SYCP2: variants seen among roughly 807,000 people sequenced by gnomAD.
SYCP2 encodes the protein synaptonemal complex protein 2.
SYCP2 carries 55 observed loss-of-function variants against 211.3 expected under a neutral mutation model. That is an observed-to-expected ratio of 0.26 (90% CI 0.21 to 0.33). SYCP2 has a LOEUF of 0.33. Ranked by LOEUF, SYCP2 falls within the 10% of genes least tolerant of loss-of-function variation. The pLI is 1.00. For missense variants in SYCP2, 1,731 were observed against 1,752.0 expected (o/e 0.99, Z 0.21); for synonymous variants, 570 against 555.2 (o/e 1.03, Z -0.37).
chr20:59,894,568 T>A (rs1264378432), intron 20 of SYCP2, among the ~76,000 whole-genome samples: 1 of 152,038 alleles, frequency 6.6e-6, no homozygotes, highest in African/African-American at 2.4e-5. Flanking sequence ...TTGAGAAAAT[T>A]GTACATATTT....
intron 19 of SYCP2, 32 bp from the exon 20 acceptor site, chr20:59,895,629 CTTTT>C: frequency 6.2e-7 from 1 of 1,604,632 alleles, no homozygotes; most frequent in East Asian, 2.2e-5. Context: ...GCAGATTTTT[CTTTT>C]TTTACCTATT....
chr20:59,872,780 T>A (rs555475920), intron 35 of SYCP2, among the ~76,000 whole-genome samples: 103 of 152,212 alleles, frequency 6.8e-4, no homozygotes, highest in African/African-American at 2.4e-3. Context: ...TAGATCTGAA[T>A]AGGCTTATTC....
intron 20 of SYCP2, among the ~76,000 whole-genome samples, chr20:59,894,815 A>C (rs916159023): frequency 6.6e-6 from 1 of 152,078 alleles, no homozygotes. Flanking sequence ...CTGTTTCTCC[A>C]AGAAACTATT....
intron 16 of SYCP2, among the ~76,000 whole-genome samples, chr20:59,901,343 GATGTATC>G (rs2060112128): frequency 6.6e-6 from 1 of 151,982 alleles, no homozygotes; most frequent in East Asian, 1.9e-4. Flanking sequence ...TACTTCTTCT[GATGTATC>G]ATGTGTGTAA....
intron 3 of SYCP2, 173 bp from the exon 4 acceptor site, chr20:59,921,626 T>C: frequency 5.2e-6 from 2 of 387,682 alleles, no homozygotes; most frequent in Non-Finnish European, 9.1e-6. Context: ...ACAACTGAAT[T>C]AGAAATTACA....
intron 35 of SYCP2, among the ~76,000 whole-genome samples, chr20:59,873,133 G>A (rs1308876488): frequency 2.0e-5 from 3 of 151,972 alleles, no homozygotes; most frequent in African/African-American, 7.2e-5. Flanking sequence ...TAATTTCATG[G>A]AAAGATGATT....
At position 59,869,936 on chromosome 20, in the gene SYCP2, T is replaced by A. The variant is rs373240816; in HGVS notation, c.3603A>T (p.Lys1201Asn). 5 of 1,604,916 alleles carry A rather than the reference T, an allele frequency of 3.1e-6. No homozygotes were observed. The highest frequency in any genetic ancestry group is 4.3e-6 in the Non-Finnish European group (5 of 1,174,396). The change falls in exon 36 of 45, where the codon AAA becomes AAT. Residue 1201 changes from lysine to asparagine, a missense_variant. By Grantham distance (94) the Lys-to-Asn change is moderately conservative. Around this residue, in one of 3 missense-constraint regions of SYCP2, gnomAD observed 1,387 missense variants for 1,351.3 expected, o/e 1.03. Coordinates refer to ENST00000357552, the MANE Select transcript of SYCP2 (RefSeq NM_014258.4). Reference protein sequence around the residue: ...TKSNTIVNRKKISSLVLTQET... With the variant: ...TKSNTIVNRKNISSLVLTQET... Reference sequence around the variant, plus strand: ...CTTGTGTAAGTACCAGAGAACTTATTTTTTTTCTATTTACAATAGTATTAC... The same window carrying A: ...CTTGTGTAAGTACCAGAGAACTTATATTTTTTCTATTTACAATAGTATTAC...
At position 59,893,572 on chromosome 20, in the gene SYCP2, C is replaced by T. The variant is rs768769047; in HGVS notation, c.1687G>A (p.Val563Ile). Residue 563 changes from valine (V) to isoleucine (I), a missense_variant, in exon 21 of 45, where the codon GTA becomes ATA. Physicochemically the swap from Val to Ile is conservative, Grantham distance 29 (BLOSUM62 3). This residue lies in a region of SYCP2 where 1,387 missense variants were observed against 1,351.3 expected (regional missense o/e 1.03). Coordinates refer to ENST00000357552, the MANE Select transcript of SYCP2 (RefSeq NM_014258.4). ...ACATTCTTATTTTCTGTGTTTTCTA[C>T]ACACTTAGCAGTTTTGATATGCTGT... is the stretch of plus-strand genomic sequence containing the variant. Reference protein sequence around the residue: ...IDKHIKTAKCVENTENKNVEF... With the variant: ...IDKHIKTAKCIENTENKNVEF... 2 of 1,608,932 alleles carry T rather than the reference C, an allele frequency of 1.2e-6. No homozygotes were observed. The highest frequency in any genetic ancestry group is 1.7e-6 in the Non-Finnish European group (2 of 1,176,922).
At chr20:59,900,305 A>G (rs1251994980) in intron 17 of SYCP2, 21 bp from the exon 18 acceptor site, 3 of 1,557,596 alleles carry the variant, frequency 1.9e-6, no homozygotes, top group Admixed American at 3.9e-5. Context: ...ATATGAAAAA[A>G]AAAGTATTTA....
Position 59,868,911 on chromosome 20 carries a change from T to C in SYCP2, c.3756A>G (p.Ala1252=), listed in dbSNP as rs1322539532. The change falls in exon 37 of 45, where the codon GCA becomes GCG. Residue 1252 remains alanine, a synonymous_variant. Transcript: ENST00000357552. ...IQSKREESHL[A]SSLSKSSEGR... The stretch of plus-strand genomic sequence containing the variant: ...CTTCACTAGACTTGGATAATGAAGA[T>C]GCTAAATGACTTTCCTAAAATACGT... 6.2e-7 allele frequency: 1 copy of C among 1,606,686 alleles called. No homozygotes were observed. Among genetic ancestry groups the C allele is most frequent in the Non-Finnish European group, 8.5e-7 (1 of 1,176,336 alleles).
At chr20:59,903,044 AT>A (rs1255840267) in intron 15 of SYCP2, among the ~76,000 whole-genome samples, 1 of 152,110 alleles carries the variant, frequency 6.6e-6, no homozygotes, top group Non-Finnish European at 1.5e-5. Flanking sequence ...TTGCTTGCAC[AT>A]GGTATTAGAA....
At chr20:59,915,378 A>G in intron 9 of SYCP2, 87 bp downstream of exon 9, 1 of 1,051,154 alleles carries the variant, frequency 9.5e-7, no homozygotes, top group Non-Finnish European at 1.4e-6. Flanking sequence ...TATCAGTTTC[A>G]TTATTAATGC....
intron 16 of SYCP2, among the ~76,000 whole-genome samples, chr20:59,901,408 CTT>C (rs35247842): frequency 6.6e-6 from 1 of 152,008 alleles, no homozygotes. Context: ...TCTCATTTTA[CTT>C]TTTAAACACC....
chr20:59,913,978 C>A lies in SYCP2; in HGVS notation c.827G>T (p.Arg276Ile). 1 of 1,597,236 alleles carries A rather than the reference C, an allele frequency of 6.3e-7. No homozygotes were observed. Among genetic ancestry groups the A allele is most frequent in the Non-Finnish European group, 8.5e-7 (1 of 1,173,084 alleles). Residue 276 changes from arginine to isoleucine, a missense_variant, in exon 12 of 45, where the codon AGA becomes ATA. Physicochemically the swap from Arg to Ile is moderately conservative, Grantham distance 97. Coordinates refer to ENST00000357552, the MANE Select transcript of SYCP2 (RefSeq NM_014258.4). The stretch of plus-strand genomic sequence containing the variant: ...TTGTATCTTGCATTAAGTTTACCTT[C>A]TTTTGTCTCCAAGCATGCCATTTAC... ...NLVNGMLGDK[R>I]RVFTFPCLSA...
At chr20:59,907,856 C>T (rs759527880) in intron 14 of SYCP2, among the ~76,000 whole-genome samples, 18 of 152,108 alleles carry the variant, frequency 1.2e-4, no homozygotes, top group South Asian at 4.1e-4. Context: ...AATATGAATG[C>T]GCATGAATAA....
intron 20 of SYCP2, among the ~76,000 whole-genome samples, 198 bp downstream of exon 20, chr20:59,895,239 A>C (rs546401416): frequency 6.6e-6 from 1 of 152,228 alleles, no homozygotes; most frequent in African/African-American, 2.4e-5. Context: ...ATTAATATTC[A>C]TAACTTTTAT....
At chr20:59,874,974 C>T in intron 34 of SYCP2, among the ~76,000 whole-genome samples, 1 of 151,498 alleles carries the variant, frequency 6.6e-6, no homozygotes, top group East Asian at 1.9e-4. Flanking sequence ...TAAAAAAAAG[C>T]ACATTAAAAT....
chr20:59,901,125 T>A (rs1023704258), intron 16 of SYCP2, among the ~76,000 whole-genome samples: 4 of 152,080 alleles, frequency 2.6e-5, no homozygotes, highest in Non-Finnish European at 4.4e-5. Context: ...AAACATCACA[T>A]GAATTGTCAC....
chr20:59,913,390 A>G (rs1239265160), intron 12 of SYCP2, among the ~76,000 whole-genome samples: 1 of 152,184 alleles, frequency 6.6e-6, no homozygotes, highest in African/African-American at 2.4e-5. Flanking sequence ...AGTAAAATAA[A>G]TGTGAACTCA....
Sources: gnomAD v4.1 joint callset for allele counts (sites outside exome capture counted in the v4.1 genomes callset) on GRCh38, gnomAD v4.1.1 for gene constraint, gnomAD v4.1.1 regional missense constraint, MANE v1.5 for transcripts, NCBI Gene and HGNC (gene_info 2026-07-23, HGNC 2026-07-21) for gene names.